The following YARS1 variants were observed in gnomAD, a reference collection of about 807,000 sequenced individuals.
The protein encoded by YARS1 is tyrosine--tRNA ligase, cytoplasmic.
Under a neutral mutation model 62.2 loss-of-function variants are expected in YARS1, and 36 were observed. The observed-to-expected ratio is 0.58, with a 90% CI of 0.44 to 0.76. The LOEUF (loss-of-function observed/expected upper bound fraction) is 0.76, where lower values mean the gene tolerates loss of function less well. Among genes scored for constraint, YARS1 ranks in the 30% least tolerant of loss-of-function variants. The pLI, the probability that YARS1 is intolerant of heterozygous loss-of-function variation, is 0.00. For missense variants in YARS1, 524 were observed against 639.8 expected (o/e 0.82, Z 1.95); for synonymous variants, 234 against 244.9 (o/e 0.96, Z 0.42).
rs764129931 is a variant in YARS1, at chr1:32,781,215, T to C, written c.1043-70A>G. ...CAGGTCAGCTGCTGATCCCACCACG[T>C]TAAGACACTGAGATTAGGTAAGATT... On this transcript the variant is annotated intron_variant, in intron 9 of 12. Coordinates refer to ENST00000373477, the MANE Select transcript of YARS1 (RefSeq NM_003680.4). The C allele has an allele frequency of 2.7e-5, 33 of 1,209,296 alleles. No homozygotes were observed. The Admixed American group carries it at 2.9e-4, about 10-fold the overall frequency. 74.9% of individuals were successfully genotyped at this position (1,209,296 alleles called of 1,614,324 possible). A position where few individuals can be genotyped will look rare whatever the true frequency, so the allele number is the denominator to read the frequency against.
chr1:32,796,960 A>C (rs544215847), intron 5 of YARS1, among the ~76,000 whole-genome samples: 4 of 59,104 alleles, frequency 6.8e-5, no homozygotes, highest in Admixed American at 4.4e-4. Flanking sequence ...AGCGAAACTC[A>C]GTCTCAAAAA....
At chr1:32,801,372 T>C (rs1638289105) in intron 4 of YARS1, among the ~76,000 whole-genome samples, 1 of 152,246 alleles carries the variant, frequency 6.6e-6, no homozygotes, top group South Asian at 2.1e-4. Context: ...TACCGTAGTC[T>C]ATTTAAAGTG....
chr1:32,786,288 A>G (rs1021564660), intron 8 of YARS1, 74 bp downstream of exon 8: 101 of 1,453,172 alleles, frequency 7.0e-5, no homozygotes, highest in Non-Finnish European at 9.6e-5. Flanking sequence ...GTTGTTCTAA[A>G]CAAGTTCTAA....
At chr1:32,786,496 G>T in intron 7 of YARS1, 49 bp from the exon 8 acceptor site, 1 of 1,427,790 alleles carries the variant, frequency 7.0e-7, no homozygotes, top group Non-Finnish European at 9.8e-7. Context: ...AGCATTCCTA[G>T]CTCACATGCA....
chr1:32,814,286 C>A (rs1638647289), intron 1 of YARS1, among the ~76,000 whole-genome samples: 1 of 151,948 alleles, frequency 6.6e-6, no homozygotes, highest in South Asian at 2.1e-4. Context: ...TTTCTCTCTG[C>A]CTCTACATCA....
At chr1:32,780,330 A>C in intron 10 of YARS1, 52 bp from the exon 11 acceptor site, 1 of 1,607,008 alleles carries the variant, frequency 6.2e-7, no homozygotes, top group Non-Finnish European at 8.5e-7. Context: ...TTAGAGAAGC[A>C]GCCTGGTGAA....
At chr1:32,804,087 CAGA>C (rs1638378939) in intron 4 of YARS1, among the ~76,000 whole-genome samples, 2 of 152,224 alleles carry the variant, frequency 1.3e-5, no homozygotes, top group Non-Finnish European at 2.9e-5. Context: ...CATCCCAAGG[CAGA>C]AGAATTTTTC....
intron 4 of YARS1, among the ~76,000 whole-genome samples, chr1:32,805,120 C>G (rs941856526): frequency 7.9e-5 from 12 of 151,822 alleles, no homozygotes; most frequent in Non-Finnish European, 8.8e-5. Flanking sequence ...CCCAGGCACT[C>G]GGCAGGCTGA....
rs1342299160 is a variant in YARS1, at chr1:32,776,145, A to AC, written c.1477-55dup. ...ATGATGGTGGTGGGACTGCAAGAAA[A>AC]CCCCCCCTTTTTTGGAGGGGGGGCA... On this transcript the variant is annotated intron_variant, in intron 12 of 12. Transcript: ENST00000373477. This position sits in a 1 kb window ranked among gnomAD's most constrained non-coding sequence, Gnocchi z 4.0. 30 of 1,463,280 alleles carry AC rather than the reference A, an allele frequency of 2.1e-5. No homozygotes were observed. The highest frequency in any genetic ancestry group is 2.5e-5 in the Non-Finnish European group (27 of 1,059,988). 90.6% of individuals were successfully genotyped at this position (1,463,280 alleles called of 1,614,324 possible). A position where few individuals can be genotyped will look rare whatever the true frequency, so the allele number is the denominator to read the frequency against.
Position 32,785,439 on chromosome 1 carries a change from C to T in YARS1, c.906+923G>A, listed in dbSNP as rs181535815. Among the ~76,000 whole-genome samples, 305 of 148,778 alleles carry T rather than the reference C, an allele frequency of 2.1e-3. 3 individuals carry two copies. The highest frequency in any genetic ancestry group is 6.2e-3 in the African/African-American group (250 of 40,438). ...TCGTGCCACTGCACTCCAGCCTAGGCGACAGAGTGAGACTCTGTCTCAAAA... is the reference window on the plus strand; with the variant it reads ...TCGTGCCACTGCACTCCAGCCTAGGTGACAGAGTGAGACTCTGTCTCAAAA... On this transcript the variant is annotated intron_variant, in intron 8 of 12. Coordinates refer to ENST00000373477, the MANE Select transcript of YARS1 (RefSeq NM_003680.4).
Position 32,777,985 on chromosome 1 carries a change from G to GA in YARS1, c.1476+1396dup, listed in dbSNP as rs532142017. 3.3e-5 allele frequency among the ~76,000 whole-genome samples: 5 copies of GA among 151,860 alleles called. No homozygotes were observed. The South Asian group carries it at 1.0e-3, about 32-fold the overall frequency. On this transcript the variant is annotated intron_variant, in intron 12 of 12. Coordinates refer to ENST00000373477, the MANE Select transcript of YARS1 (RefSeq NM_003680.4). ...ACCATGAAAATTTATTTTATAGCCA[G>GA]AAAAAAAGAGATTCACAAAGTCAGC...
rs1653225835 is a variant in YARS1 at position 32,786,344 on chromosome 1, C to T, written c.906+18G>A. 2.5e-6 allele frequency: 4 copies of T among 1,609,162 alleles called. No homozygotes were observed. The highest frequency in any genetic ancestry group is 1.3e-5 in the African/African-American group (1 of 74,816). ...AATACAGATCTTCATGAAAGGATTC[C>T]TTTTCCTTTCATGTTACCTCAGCAG... On this transcript the variant is annotated intron_variant, in intron 8 of 12. Coordinates refer to ENST00000373477, the MANE Select transcript of YARS1 (RefSeq NM_003680.4).
At chr1:32,786,740 C>A (rs1653240654) in intron 7 of YARS1, 200 bp downstream of exon 7, 10 of 833,252 alleles carry the variant, frequency 1.2e-5, no homozygotes, top group Non-Finnish European at 1.8e-5. Flanking sequence ...AGTATTCCCT[C>A]AGAACCTAGC....
At position 32,805,219 on chromosome 1, in the gene YARS1, AAAGGGGAGAGGGGGAG is replaced by A. The variant is rs1178172441; in HGVS notation, c.510+1247_510+1262del. 1.4e-3 allele frequency among the ~76,000 whole-genome samples: 78 copies of A among 57,524 alleles called. No individual in the cohort carries two copies. The East Asian group carries it at 0.026, about 19-fold the overall frequency. The allele number at this position is 57,524 out of a possible 152,430, so 37.7% of individuals were successfully genotyped here. A position where few individuals can be genotyped will look rare whatever the true frequency, so the allele number is the denominator to read the frequency against. On this transcript the variant is annotated intron_variant, in intron 4 of 12. Coordinates refer to ENST00000373477, the MANE Select transcript of YARS1 (RefSeq NM_003680.4). The stretch of plus-strand genomic sequence containing the variant: ...GCTCGGCATCAGAGGGAGACGGTGG[AAAGGGGAGAGGGGGAG>A]AGGGGGAGAGGGGGAGAGGGGGAGA...
At chr1:32,778,412 T>A (rs1005384817) in intron 12 of YARS1, among the ~76,000 whole-genome samples, 2 of 104,364 alleles carry the variant, frequency 1.9e-5, no homozygotes, top group African/African-American at 3.3e-5. Flanking sequence ...TCTTTCTTTC[T>A]TTCATTTTTT....
intron 1 of YARS1, among the ~76,000 whole-genome samples, chr1:32,812,969 CAAAAAAA>C (rs371599312): frequency 1.3e-3 from 118 of 90,024 alleles, no homozygotes; most frequent in African/African-American, 4.6e-3. Context: ...ACTCTGTCTC[CAAAAAAA>C]AAAAAAAAAA....
chr1:32,811,133 C>T, intron 1 of YARS1, 76 bp from the exon 2 acceptor site: 1 of 1,604,450 alleles, frequency 6.2e-7, no homozygotes, highest in Non-Finnish European at 8.5e-7. Flanking sequence ...ACAAGGAAAA[C>T]AACAGCATGT....
chr1:32,798,475 G>C (rs909913014), intron 4 of YARS1, among the ~76,000 whole-genome samples: 1 of 152,166 alleles, frequency 6.6e-6, no homozygotes, highest in Non-Finnish European at 1.5e-5. Context: ...GGTGGCCTGT[G>C]ACAAATGAAA....
chr1:32,816,993 T>G, intron 1 of YARS1, 195 bp downstream of exon 1: 5 of 688,796 alleles, frequency 7.3e-6, no homozygotes, highest in Non-Finnish European at 1.3e-5. Context: ...GTGAGCCCAC[T>G]GTGATTTCTG....
Sources: allele counts gnomAD v4.1 joint callset (sites outside exome capture counted in the v4.1 genomes callset), GRCh38; gene constraint gnomAD v4.1.1; non-coding constraint Gnocchi (gnomAD v3.1); transcripts MANE v1.5; gene names NCBI Gene and HGNC (gene_info 2026-07-23, HGNC 2026-07-21).